The following FOXP1 variants were observed in gnomAD, a reference collection of about 807,000 sequenced individuals.
FOXP1 encodes the protein forkhead box protein P1.
FOXP1 carries 15 observed loss-of-function variants against 98.2 expected under a neutral mutation model. The ratio of observed to expected loss-of-function variants is 0.15; its 90% confidence interval spans 0.10 to 0.24. The LOEUF (loss-of-function observed/expected upper bound fraction) is 0.24, where lower values mean the gene tolerates loss of function less well. FOXP1 is among the 10% of genes least tolerant of loss of function. The pLI, the probability that FOXP1 is intolerant of heterozygous loss-of-function variation, is 1.00. For missense variants in FOXP1, 633 were observed against 848.5 expected (o/e 0.75, Z 3.15); for synonymous variants, 371 against 314.5 (o/e 1.18, Z -1.90).
chr3:71,391,560 C>T (rs2081035182), intron 3 of FOXP1, among the ~76,000 whole-genome samples: 1 of 152,234 alleles, frequency 6.6e-6, no homozygotes, highest in Non-Finnish European at 1.5e-5. Context: ...GGCCTCAATT[C>T]TCCAATGCCA....
At chr3:71,420,949 C>A (rs1224137460) in intron 3 of FOXP1, among the ~76,000 whole-genome samples, 1 of 152,178 alleles carries the variant, frequency 6.6e-6, no homozygotes, top group Non-Finnish European at 1.5e-5. Flanking sequence ...TAACCCATGT[C>A]TGGTGAGCCC....
At chr3:71,352,164 G>C (rs2077824080) in intron 4 of FOXP1, among the ~76,000 whole-genome samples, 1 of 152,138 alleles carries the variant, frequency 6.6e-6, no homozygotes, top group Admixed American at 6.5e-5. Flanking sequence ...GCATGGCATA[G>C]TGATTAAGAA....
intron 6 of FOXP1, among the ~76,000 whole-genome samples, chr3:71,193,742 G>C (rs1286162985): frequency 1.3e-5 from 2 of 152,082 alleles, no homozygotes; most frequent in Non-Finnish European, 2.9e-5. Flanking sequence ...AGCCACCACA[G>C]ACAGCCTCTA....
chr3:71,053,342 G>A (rs577002033), intron 8 of FOXP1, among the ~76,000 whole-genome samples: 2 of 152,170 alleles, frequency 1.3e-5, no homozygotes, highest in African/African-American at 4.8e-5. Context: ...CACCATTTAG[G>A]AGCCATGTAA....
chr3:71,335,304 A>G (rs550849142), intron 4 of FOXP1: 12 of 151,976 alleles, frequency 7.9e-5, no homozygotes, highest in Admixed American at 3.9e-4. Context: ...AAACATAATA[A>G]TGGAGTTAGA....
At chr3:71,327,469 G>C (rs373993187) in intron 4 of FOXP1, among the ~76,000 whole-genome samples, 1 of 143,726 alleles carries the variant, frequency 7.0e-6, no homozygotes. Context: ...CTCACTGCAA[G>C]CTCCGCCTCC....
chr3:71,455,589 C>G (rs911198469), intron 3 of FOXP1, among the ~76,000 whole-genome samples: 1 of 152,112 alleles, frequency 6.6e-6, no homozygotes, highest in African/African-American at 2.4e-5. Context: ...AAAGAATTAA[C>G]TAATTGCAAC....
intron 6 of FOXP1, among the ~76,000 whole-genome samples, chr3:71,114,942 C>T (rs2058243019): frequency 6.6e-6 from 1 of 152,112 alleles, no homozygotes; most frequent in Admixed American, 6.5e-5. Flanking sequence ...AAAAATAGTC[C>T]CCTTTGCAAG....
chr3:71,327,318 G>GCAGGCTTCTTGGCTGCAACAGAA (rs368201258), intron 4 of FOXP1, among the ~76,000 whole-genome samples: 1 of 145,542 alleles, frequency 6.9e-6, no homozygotes, highest in African/African-American at 2.5e-5. Flanking sequence ...ACTCAATGAA[G>GCAGGCTTCTTGGCTGCAACAGAA]AGATTATTGT....
rs1404298862 is a variant in FOXP1 at position 71,112,560 on chromosome 3, C to A, written c.258G>T (p.Arg86Ser). The A allele has an allele frequency of 1.9e-6, 3 of 1,613,922 alleles. No individual in the cohort carries two copies. The Admixed American group carries it at 5.0e-5, about 27-fold the overall frequency. ...QQVSGLKSPK[R>S]NDKQPALQVP... ...CCTGAAGAGCTGGTTGTTTGTCATT[C>A]CTCTTGGGAGATTTTAATCCACTAA... Residue 86 changes from arginine to serine, a missense_variant, in exon 7 of 21, where the codon AGG becomes AGT. This residue lies in a region of FOXP1 where 210 missense variants were observed against 270.6 expected (regional missense o/e 0.78). Transcript: ENST00000649528.
At chr3:71,402,288 C>G (rs940156421) in intron 3 of FOXP1, among the ~76,000 whole-genome samples, 3 of 152,274 alleles carry the variant, frequency 2.0e-5, no homozygotes, top group South Asian at 2.1e-4. Flanking sequence ...AACCCCATCT[C>G]TACTAAAGAT....
chr3:71,375,174 T>C (rs1410846080), intron 3 of FOXP1, among the ~76,000 whole-genome samples: 1 of 152,172 alleles, frequency 6.6e-6, no homozygotes, highest in Non-Finnish European at 1.5e-5. Flanking sequence ...AATGCATTCA[T>C]AGTGGGTAGG....
intron 4 of FOXP1, among the ~76,000 whole-genome samples, chr3:71,353,842 T>G (rs1253758782): frequency 6.6e-6 from 1 of 152,090 alleles, no homozygotes; most frequent in African/African-American, 2.4e-5. Flanking sequence ...TGGAACAATA[T>G]AGCAAAAATA....
At chr3:71,407,933 C>T (rs1316696112) in intron 3 of FOXP1, among the ~76,000 whole-genome samples, 3 of 152,144 alleles carry the variant, frequency 2.0e-5, no homozygotes, top group African/African-American at 7.2e-5. Flanking sequence ...TGTGTACGTC[C>T]CATTCTTCAT....
At chr3:71,514,926 C>T (rs181939713) in intron 2 of FOXP1, among the ~76,000 whole-genome samples, 6 of 152,292 alleles carry the variant, frequency 3.9e-5, no homozygotes, top group African/African-American at 7.2e-5. Context: ...ACAAGAAAAA[C>T]AGTTCAAAGA....
At chr3:71,076,259 G>T (rs10212133) in intron 7 of FOXP1, among the ~76,000 whole-genome samples, 2,700 of 152,266 alleles carry the variant, frequency 0.018, 74 homozygotes, top group African/African-American at 0.063. Context: ...CCTACTTTAA[G>T]ATTATTTTTC....
rs1191628935 is a variant in FOXP1 at position 71,091,097 on chromosome 3, C to CTGTGTGTGTG, written c.282+21429_282+21438dup. ...CATTTTGAGCTACAGGTGCCAGATT[C>CTGTGTGTGTG]TGTGTGTGTGTGTGTGTGTGTGTGT... On this transcript the variant is annotated intron_variant, in intron 7 of 20. Transcript: ENST00000649528. 1.9e-3 allele frequency among the ~76,000 whole-genome samples: 253 copies of CTGTGTGTGTG among 132,608 alleles called. 1 individual carries two copies. Among genetic ancestry groups the CTGTGTGTGTG allele is most frequent in the African/African-American group, 7.0e-3 (248 of 35,368 alleles). 87.0% of individuals were successfully genotyped at this position (132,608 alleles called of 152,430 possible).
At chr3:71,210,672 G>A (rs934211964) in intron 5 of FOXP1, 1 of 152,178 alleles carries the variant, frequency 6.6e-6, no homozygotes, top group Non-Finnish European at 1.5e-5. Flanking sequence ...AGAACAGAAC[G>A]TTCTCAGATT....
intron 6 of FOXP1, among the ~76,000 whole-genome samples, chr3:71,195,707 A>T (rs2063258978): frequency 6.6e-6 from 1 of 152,220 alleles, no homozygotes; most frequent in Non-Finnish European, 1.5e-5. Flanking sequence ...GCAGTTATTG[A>T]AATTTTATCC....
Sources: allele counts gnomAD v4.1 joint callset (sites outside exome capture counted in the v4.1 genomes callset), GRCh38; gene constraint gnomAD v4.1.1; regional missense constraint gnomAD v4.1.1; transcripts MANE v1.5; gene names NCBI Gene and HGNC (gene_info 2026-07-23, HGNC 2026-07-21).